The following NRG3 variants were observed in gnomAD, a reference collection of about 807,000 sequenced individuals.
NRG3 encodes neuregulin 3.
A neutral mutation model predicts 66.9 loss-of-function variants in NRG3; 31 were observed. The ratio of observed to expected loss-of-function variants is 0.46; its 90% CI spans 0.35 to 0.63. The LOEUF (loss-of-function observed/expected upper bound fraction) is 0.63. NRG3 is among the 20% of genes least tolerant of loss of function. The pLI is 0.00. For missense variants in NRG3, 910 were observed against 878.9 expected (o/e 1.04, Z -0.45); for synonymous variants, 393 against 359.4 (o/e 1.09, Z -1.06).
At position 82,407,628 on chromosome 10, in the gene NRG3, C is replaced by T. The variant is rs1319232910; in HGVS notation, c.953+48760C>T. On this transcript the variant is annotated intron_variant, in intron 2 of 8. Transcript: ENST00000372141. Reference sequence around the variant, plus strand: ...TGGATTTATGTCAACCCTAGATGTGCGTGGGTGGACAGCTGATCACTGTTA... The same window carrying T: ...TGGATTTATGTCAACCCTAGATGTGTGTGGGTGGACAGCTGATCACTGTTA... Among the ~76,000 whole-genome samples, 6 of 152,090 alleles carry T rather than the reference C, an allele frequency of 3.9e-5. No individual in the cohort carries two copies. In the East Asian group the frequency reaches 7.7e-4, roughly 20 times the overall value.
intron 2 of NRG3, among the ~76,000 whole-genome samples, chr10:82,427,805 T>C (rs1170421148): frequency 6.6e-6 from 1 of 152,102 alleles, no homozygotes; most frequent in Admixed American, 6.5e-5. Context: ...CTTTAAACAT[T>C]TGGTAGATTT....
At chr10:82,533,548 G>A (rs951305135) in intron 2 of NRG3, among the ~76,000 whole-genome samples, 1 of 151,842 alleles carries the variant, frequency 6.6e-6, no homozygotes, top group Non-Finnish European at 1.5e-5. Context: ...TAAAAAGAAT[G>A]TATTTCTCTT....
intron 1 of NRG3, among the ~76,000 whole-genome samples, chr10:81,915,370 A>C (rs2132802734): frequency 6.6e-6 from 1 of 152,282 alleles, no homozygotes; most frequent in Non-Finnish European, 1.5e-5. Flanking sequence ...TCATCATGGC[A>C]CAATTACAGA....
intron 2 of NRG3, among the ~76,000 whole-genome samples, chr10:82,692,957 C>G (rs2055059563): frequency 6.6e-6 from 1 of 152,150 alleles, no homozygotes; most frequent in South Asian, 2.1e-4. Context: ...GGTCAGGACA[C>G]AGGAAGGGAA....
chr10:81,896,484 C>T (rs1049324890), intron 1 of NRG3, among the ~76,000 whole-genome samples: 6 of 152,132 alleles, frequency 3.9e-5, no homozygotes, highest in Non-Finnish European at 7.3e-5. Context: ...ATTCTGCAAA[C>T]TATTAAGTAA....
intron 2 of NRG3, among the ~76,000 whole-genome samples, chr10:82,490,401 G>C (rs1431093627): frequency 6.6e-6 from 1 of 152,020 alleles, no homozygotes; most frequent in African/African-American, 2.4e-5. Context: ...CCTTCTATTG[G>C]GTAAACTTTG....
intron 1 of NRG3, among the ~76,000 whole-genome samples, chr10:82,105,609 T>C (rs963052478): frequency 6.6e-6 from 1 of 152,188 alleles, no homozygotes; most frequent in Non-Finnish European, 1.5e-5. Flanking sequence ...GTTTGTTTGC[T>C]TGTTGATGCC....
At chr10:82,939,622 A>C (rs1848413101) in intron 4 of NRG3, among the ~76,000 whole-genome samples, 1 of 151,438 alleles carries the variant, frequency 6.6e-6, no homozygotes, top group African/African-American at 2.4e-5. Flanking sequence ...GGCGCCCACC[A>C]CCACGCCCTG....
chr10:81,996,484 A>G (rs1460247718), intron 1 of NRG3, among the ~76,000 whole-genome samples: 1 of 152,240 alleles, frequency 6.6e-6, no homozygotes, highest in Non-Finnish European at 1.5e-5. Flanking sequence ...ATATGATATA[A>G]TGGTGCAGGA....
Position 82,482,197 on chromosome 10 carries a change from T to C in NRG3, c.953+123329T>C, listed in dbSNP as rs530871159. 2.2e-4 allele frequency among the ~76,000 whole-genome samples: 34 copies of C among 152,186 alleles called. 1 individual carries two copies. In the East Asian group the frequency reaches 6.0e-3, roughly 27 times the overall value. On this transcript the variant is annotated intron_variant, in intron 2 of 8. Coordinates refer to ENST00000372141, the MANE Select transcript of NRG3 (RefSeq NM_001010848.4). Reference sequence around the variant, plus strand: ...GAATTATGCAAAATACTTGGGCAAATGTAAATATACCACAACTGTTTTTAT... The same window carrying C: ...GAATTATGCAAAATACTTGGGCAAACGTAAATATACCACAACTGTTTTTAT...
chr10:82,512,985 G>A (rs1172204940), intron 2 of NRG3, among the ~76,000 whole-genome samples: 1 of 152,024 alleles, frequency 6.6e-6, no homozygotes, highest in South Asian at 2.1e-4. Flanking sequence ...GGATACATGT[G>A]CAGGACGTGC....
At chr10:82,380,374 T>G (rs1311828556) in intron 2 of NRG3, among the ~76,000 whole-genome samples, 1 of 152,162 alleles carries the variant, frequency 6.6e-6, no homozygotes, top group Non-Finnish European at 1.5e-5. Context: ...TTAACCAGTA[T>G]GTATAGATTC....
rs138300846 is a variant in NRG3, at chr10:82,839,037, C to T, written c.1028-26374C>T. Among the ~76,000 whole-genome samples the T allele has an allele frequency of 3.5e-4, 54 of 152,158 alleles. No individual in the cohort carries two copies. The East Asian group carries it at 9.5e-3, about 27-fold the overall frequency. ...ACCACGAGAACAGTATGGGGAAAAC[C>T]GCTCCCATTATATCCCACTGGATCT... On this transcript the variant is annotated intron_variant, in intron 3 of 8. Coordinates refer to ENST00000372141, the MANE Select transcript of NRG3 (RefSeq NM_001010848.4).
At chr10:81,892,037 C>G (rs897919443) in intron 1 of NRG3, among the ~76,000 whole-genome samples, 2 of 152,080 alleles carry the variant, frequency 1.3e-5, no homozygotes, top group Non-Finnish European at 2.9e-5. Flanking sequence ...GGACATTTGT[C>G]AGTTTGGCAT....
At chr10:82,769,353 A>G (rs1474007479) in intron 3 of NRG3, among the ~76,000 whole-genome samples, 2 of 152,086 alleles carry the variant, frequency 1.3e-5, no homozygotes, top group Non-Finnish European at 2.9e-5. Flanking sequence ...ATATCTTGAG[A>G]AAATATACCT....
At chr10:82,487,070 A>C (rs1248552685) in intron 2 of NRG3, among the ~76,000 whole-genome samples, 2 of 148,584 alleles carry the variant, frequency 1.3e-5, no homozygotes, top group African/African-American at 4.9e-5. Context: ...TGTATAATAT[A>C]TGTATATATA....
intron 1 of NRG3, among the ~76,000 whole-genome samples, chr10:82,341,834 A>G (rs1406440734): frequency 6.6e-6 from 1 of 151,966 alleles, no homozygotes; most frequent in Non-Finnish European, 1.5e-5. Context: ...GCTCCTGGTT[A>G]TAAGTGAGAA....
intron 2 of NRG3, among the ~76,000 whole-genome samples, chr10:82,387,206 G>C (rs1281276492): frequency 6.6e-6 from 1 of 152,150 alleles, no homozygotes; most frequent in African/African-American, 2.4e-5. Flanking sequence ...AATGGAAACA[G>C]AACTGCTTTT....
intron 2 of NRG3, among the ~76,000 whole-genome samples, chr10:82,512,563 C>G (rs552135004): frequency 1.3e-5 from 2 of 152,272 alleles, no homozygotes; most frequent in African/African-American, 4.8e-5. Flanking sequence ...CCACCGCGCC[C>G]TGCCATACAT....
Sources: gnomAD v4.1 joint callset for allele counts (sites outside exome capture counted in the v4.1 genomes callset) on GRCh38, gnomAD v4.1.1 for gene constraint, MANE v1.5 for transcripts, NCBI Gene and HGNC (gene_info 2026-07-23, HGNC 2026-07-21) for gene names.